The following SHPRH variants were observed in gnomAD, a reference collection of about 807,000 sequenced individuals.
The protein encoded by SHPRH is E3 ubiquitin-protein ligase SHPRH.
SHPRH carries 106 observed loss-of-function variants against 202.5 expected under a neutral mutation model. That is an observed-to-expected ratio of 0.52 (90% CI 0.45 to 0.62). The LOEUF is 0.62. Ranked by LOEUF, SHPRH falls within the 20% of genes least tolerant of loss-of-function variation. The pLI, the probability that SHPRH is intolerant of heterozygous loss-of-function variation, is 0.00. For synonymous variants in SHPRH, 729 were observed against 686.0 expected, an observed-to-expected ratio of 1.06 and a Z score of -0.98; for missense variants, 1,710 against 2,020.0, an observed-to-expected ratio of 0.85 and a Z score of 2.94.
chr6:145,925,044 T>TC (rs1451099134), intron 16 of SHPRH, among the ~76,000 whole-genome samples, 198 bp from the exon 17 acceptor site: 2 of 151,716 alleles, frequency 1.3e-5, no homozygotes, highest in Non-Finnish European at 2.9e-5. Context: ...AATTTACTTG[T>TC]CCAAGTAACA....
downstream of SHPRH, among the ~76,000 whole-genome samples, chr6:145,860,684 A>G (rs775132234): frequency 6.6e-6 from 1 of 152,102 alleles, no homozygotes; most frequent in African/African-American, 2.4e-5. Flanking sequence ...GACTCCAAAT[A>G]GCCAAAGAAA....
At chr6:145,882,769 A>C (rs1015427891), downstream of SHPRH, among the ~76,000 whole-genome samples, 4 of 152,248 alleles carry the variant, frequency 2.6e-5, no homozygotes, top group African/African-American at 4.8e-5. Context: ...ATGATGCAGT[A>C]AATGTTAATT....
intron 25 of SHPRH, chr6:145,909,392 G>A (rs1181609324): frequency 6.6e-6 from 1 of 152,044 alleles, no homozygotes; most frequent in Non-Finnish European, 1.5e-5. Flanking sequence ...ATGGATGAAT[G>A]CTTATTCTAA....
At chr6:145,914,391 C>A (rs1783766184) in intron 23 of SHPRH, among the ~76,000 whole-genome samples, 1 of 152,028 alleles carries the variant, frequency 6.6e-6, no homozygotes, top group Admixed American at 6.6e-5. Context: ...TCTTCTTTTC[C>A]AATATGTCAA....
At chr6:145,882,562 T>G (rs1436436830), downstream of SHPRH, among the ~76,000 whole-genome samples, 5 of 152,154 alleles carry the variant, frequency 3.3e-5, no homozygotes, top group African/African-American at 1.2e-4. Context: ...AGATTTGCAT[T>G]TACCAAAGAA....
rs1168684794 is a variant in SHPRH at position 145,943,458 on chromosome 6, A to G, written c.1923T>C (p.Ser641=). Residue 641 remains serine, a synonymous_variant, in exon 9 of 30, where the codon AGT becomes AGC. Coordinates refer to ENST00000275233, the MANE Select transcript of SHPRH (RefSeq NM_001042683.3). The part of the protein sequence containing the change: ...DCAESLNHAD[S]DVPPSNTMSP... ...TCATGGTATTAGAAGGTGGTACATC[A>G]CTATCAGCATGATTTAGAGATTCAG... is the stretch of plus-strand genomic sequence containing the variant. 1 of 1,614,030 alleles carries G rather than the reference A, an allele frequency of 6.2e-7. No individual in the cohort carries two copies. The highest frequency in any genetic ancestry group is 1.7e-5 in the Admixed American group (1 of 59,996).
At position 145,915,237 on chromosome 6, in the gene SHPRH, T is replaced by TAA. The variant is rs199506662; in HGVS notation, c.4255-1690_4255-1689dup. On this transcript the variant is annotated intron_variant, in intron 23 of 29. Coordinates refer to ENST00000275233, the MANE Select transcript of SHPRH (RefSeq NM_001042683.3). ...AATTTAAATAAATTAAATTAAATCT[T>TAA]AATAATCCTCTGCTTACCTCTTTCC... is the stretch of plus-strand genomic sequence containing the variant. Among the ~76,000 whole-genome samples the TAA allele has an allele frequency of 4.0e-3, 595 of 149,824 alleles. 15 individuals are homozygous for TAA. The East Asian group carries it at 0.07, about 18-fold the overall frequency.
chr6:145,862,471 A>T (rs1395590429), downstream of SHPRH, among the ~76,000 whole-genome samples: 1 of 151,778 alleles, frequency 6.6e-6, no homozygotes, highest in South Asian at 2.1e-4. Context: ...CAAAAAACAA[A>T]AAGAAAAAAC....
At chr6:145,948,181 G>T in intron 5 of SHPRH, 91 bp downstream of exon 5, 1 of 878,480 alleles carries the variant, frequency 1.1e-6, no homozygotes, top group Non-Finnish European at 1.7e-6. Flanking sequence ...TCATGAGGTA[G>T]AGTCAAAGTT....
chr6:145,952,181 C>T (rs888945534), intron 3 of SHPRH, among the ~76,000 whole-genome samples, 168 bp downstream of exon 3: 2 of 152,018 alleles, frequency 1.3e-5, no homozygotes, highest in Non-Finnish European at 2.9e-5. Context: ...ACCAAAGAAA[C>T]AAATTATATT....
rs2128782617 is a variant in SHPRH, at chr6:145,943,255, G to C, written c.2126C>G (p.Ala709Gly). 5 of 1,613,754 alleles carry C rather than the reference G, an allele frequency of 3.1e-6. No individual in the cohort carries two copies. The highest frequency in any genetic ancestry group is 4.2e-6 in the Non-Finnish European group (5 of 1,179,890). ...KPFYCPHCLVAMEPVSTRATL... is the reference protein window; with the variant it reads ...KPFYCPHCLVGMEPVSTRATL... ...TGCTCTTGTTGACACTGGTTCCATT[G>C]CAACAAGGCAGTGGGGGCAGTAAAA... The change falls in exon 9 of 30, where the codon GCA (alanine) becomes GGA (glycine). Residue 709 changes from alanine to glycine, a missense_variant. By Grantham distance (60) the Ala-to-Gly change is moderately conservative. Transcript: ENST00000275233.
chr6:145,860,488 T>C (rs1222446410), downstream of SHPRH, among the ~76,000 whole-genome samples: 2 of 151,860 alleles, frequency 1.3e-5, no homozygotes, highest in African/African-American at 2.4e-5. Context: ...ATTGATGAAA[T>C]AAAATTTAAA....
chr6:145,912,345 A>G (rs1427542361), intron 24 of SHPRH, among the ~76,000 whole-genome samples: 2 of 152,176 alleles, frequency 1.3e-5, no homozygotes, highest in African/African-American at 2.4e-5. Flanking sequence ...TTGAAATCCA[A>G]TATGGTCTTC....
chr6:145,936,594 T>G (rs779534340), intron 11 of SHPRH, among the ~76,000 whole-genome samples: 1 of 152,190 alleles, frequency 6.6e-6, no homozygotes, highest in Non-Finnish European at 1.5e-5. Context: ...CCCAAAGTGC[T>G]GGGATTACAG....
rs1365755960 is a variant in SHPRH at position 145,933,184 on chromosome 6, A to T, written c.2991-6T>A. ...GCTCTTCCATTGTCATGGTGCTAAA[A>T]GAAAAGGTAGACTGTTCAAAACTAG... On this transcript the variant is annotated splice_region_variant and splice_polypyrimidine_tract_variant and intron_variant, in intron 13 of 29. Transcript: ENST00000275233. 1.2e-6 allele frequency: 2 copies of T among 1,613,878 alleles called. No individual in the cohort carries two copies. Among genetic ancestry groups the T allele is most frequent in the African/African-American group, 2.7e-5 (2 of 75,040 alleles).
intron 28 of SHPRH, among the ~76,000 whole-genome samples, chr6:145,891,664 T>C (rs1781576339): frequency 6.6e-6 from 1 of 152,164 alleles, no homozygotes; most frequent in Non-Finnish European, 1.5e-5. Context: ...GATGGAAAGA[T>C]GAGGTACTTC....
At chr6:145,945,216 T>C (rs537627215) in intron 8 of SHPRH, among the ~76,000 whole-genome samples, 165 bp downstream of exon 8, 13 of 152,226 alleles carry the variant, frequency 8.5e-5, no homozygotes, top group Admixed American at 5.2e-4. Flanking sequence ...TCTCACGGAG[T>C]TTATATCCAC....
chr6:145,916,531 T>C (rs1026759731), intron 23 of SHPRH, among the ~76,000 whole-genome samples: 3 of 152,160 alleles, frequency 2.0e-5, no homozygotes, highest in Non-Finnish European at 2.9e-5. Context: ...TGCCTAATTG[T>C]TGGCAGAAAA....
intron 13 of SHPRH, among the ~76,000 whole-genome samples, chr6:145,934,651 A>C (rs1330567010): frequency 6.6e-6 from 1 of 151,450 alleles, no homozygotes; most frequent in East Asian, 1.9e-4. Flanking sequence ...GGAAAGAGTG[A>C]GACCCCGTCT....
Sources: gnomAD v4.1 joint callset for allele counts (sites outside exome capture counted in the v4.1 genomes callset) on GRCh38, gnomAD v4.1.1 for gene constraint, MANE v1.5 for transcripts, NCBI Gene and HGNC (gene_info 2026-07-23, HGNC 2026-07-21) for gene names.